The following LRRTM4 variants were observed in gnomAD, a reference collection of about 807,000 sequenced individuals.
LRRTM4 encodes the protein leucine rich repeat transmembrane neuronal 4.
A neutral mutation model predicts 47.6 loss-of-function variants in LRRTM4; 25 were observed. The ratio of observed to expected loss-of-function variants is 0.53; its 90% CI spans 0.38 to 0.73. The LOEUF (loss-of-function observed/expected upper bound fraction) is 0.73. LRRTM4 is among the 30% of genes least tolerant of loss of function. LRRTM4 has a pLI of 0.00. For missense variants in LRRTM4, 638 were observed against 713.4 expected, an observed-to-expected ratio of 0.89 and a Z score of 1.20; for synonymous variants, 311 against 269.5, an observed-to-expected ratio of 1.15 and a Z score of -1.51.
Position 77,103,647 on chromosome 2 carries a change from G to GTATATATATATATATATA in LRRTM4, c.1552-354732_1552-354731insTATATATATATATATATA, listed in dbSNP as rs367583554. 3.9e-3 allele frequency among the ~76,000 whole-genome samples: 479 copies of GTATATATATATATATATA among 123,810 alleles called. 8 individuals are homozygous for GTATATATATATATATATA. Among genetic ancestry groups the GTATATATATATATATATA allele is most frequent in the African/African-American group, 0.013 (399 of 29,702 alleles). The allele number at this position is 123,810 out of a possible 152,430, so 81.2% of individuals were successfully genotyped here. On this transcript the variant is annotated intron_variant, in intron 3 of 3. Transcript: ENST00000409884. ...TCAGGAGAGTGTTATATACATGAGT[G>GTATATATATATATATATA]TATATATATATATATAGATATATAT...
At chr2:77,039,695 T>G (rs1051661650) in intron 3 of LRRTM4, among the ~76,000 whole-genome samples, 2 of 151,256 alleles carry the variant, frequency 1.3e-5, no homozygotes, top group Non-Finnish European at 3.0e-5. Flanking sequence ...TATACACAGA[T>G]TAGATCCTTA....
intron 3 of LRRTM4, among the ~76,000 whole-genome samples, chr2:77,095,508 C>CTTTT (rs373406392): frequency 1.4e-5 from 2 of 144,010 alleles, no homozygotes; most frequent in South Asian, 2.2e-4. Flanking sequence ...CATATGCAAA[C>CTTTT]TTTTTTTTTT....
chr2:77,101,571 C>T (rs1670952493), intron 3 of LRRTM4, among the ~76,000 whole-genome samples: 1 of 152,154 alleles, frequency 6.6e-6, no homozygotes, highest in African/African-American at 2.4e-5. Flanking sequence ...TTTAAGGAAA[C>T]ATTTCTAAAT....
chr2:77,042,863 G>A (rs888313734), intron 3 of LRRTM4, among the ~76,000 whole-genome samples: 4 of 151,608 alleles, frequency 2.6e-5, no homozygotes, highest in Admixed American at 2.0e-4. Context: ...CTTAGACAAA[G>A]TCTCTGGAAT....
At chr2:77,110,406 G>A (rs1364213778) in intron 3 of LRRTM4, among the ~76,000 whole-genome samples, 5 of 152,104 alleles carry the variant, frequency 3.3e-5, no homozygotes, top group Non-Finnish European at 5.9e-5. Context: ...TCTCCTGTAA[G>A]ATATTATTTA....
chr2:77,057,421 T>C (rs1679645350), intron 3 of LRRTM4, among the ~76,000 whole-genome samples: 1 of 152,144 alleles, frequency 6.6e-6, no homozygotes, highest in Non-Finnish European at 1.5e-5. Flanking sequence ...ACTAATTAAT[T>C]GGATTATCAT....
intron 3 of LRRTM4, among the ~76,000 whole-genome samples, chr2:77,399,225 G>A (rs1673838637): frequency 1.3e-5 from 2 of 150,340 alleles, no homozygotes; most frequent in East Asian, 2.0e-4. Context: ...AATTGACAAA[G>A]ATTATATGTA....
At chr2:76,860,297 CA>C (rs1337782565) in intron 3 of LRRTM4, among the ~76,000 whole-genome samples, 2 of 152,074 alleles carry the variant, frequency 1.3e-5, no homozygotes, top group African/African-American at 4.8e-5. Flanking sequence ...AGTTGGGCAA[CA>C]AAAAGCAGTC....
chr2:77,269,741 G>A (rs1034733124), intron 3 of LRRTM4, among the ~76,000 whole-genome samples: 1 of 152,138 alleles, frequency 6.6e-6, no homozygotes, highest in Non-Finnish European at 1.5e-5. Context: ...AAGGGCCTTT[G>A]TTCAACTATG....
chr2:77,324,847 A>AAGAGT (rs1279153167), intron 3 of LRRTM4, among the ~76,000 whole-genome samples: 1 of 152,176 alleles, frequency 6.6e-6, no homozygotes, highest in Non-Finnish European at 1.5e-5. Flanking sequence ...CAATTGAGAG[A>AAGAGT]AGAGTTTATT....
chr2:76,853,013 C>T (rs1672042964), intron 3 of LRRTM4, among the ~76,000 whole-genome samples: 1 of 152,118 alleles, frequency 6.6e-6, no homozygotes, highest in Admixed American at 6.6e-5. Context: ...ATTCTGTGTA[C>T]TAGAGCAGGT....
At chr2:77,509,243 A>T (rs1678891849) in intron 3 of LRRTM4, among the ~76,000 whole-genome samples, 2 of 151,438 alleles carry the variant, frequency 1.3e-5, no homozygotes, top group African/African-American at 2.4e-5. Flanking sequence ...AAAAAAAAAA[A>T]AAAGCCAAAA....
intron 3 of LRRTM4, among the ~76,000 whole-genome samples, chr2:77,177,693 T>C (rs150322070): frequency 0.013 from 1,912 of 152,286 alleles, 40 homozygotes; most frequent in African/African-American, 0.044. Flanking sequence ...ATCCACACTT[T>C]CAAATAAGCA....
At chr2:77,501,492 TAA>T (rs1678569885) in intron 3 of LRRTM4, among the ~76,000 whole-genome samples, 2 of 150,778 alleles carry the variant, frequency 1.3e-5, no homozygotes, top group African/African-American at 4.8e-5. Context: ...TGTTTGACAA[TAA>T]AAAGTTAGTT....
At chr2:76,906,005 G>T (rs1673822503) in intron 3 of LRRTM4, among the ~76,000 whole-genome samples, 2 of 151,990 alleles carry the variant, frequency 1.3e-5, no homozygotes, top group African/African-American at 2.4e-5. Flanking sequence ...ACGCCACAAA[G>T]ATACTCCTCG....
chr2:77,487,943 A>G (rs913397937), intron 3 of LRRTM4, among the ~76,000 whole-genome samples: 2 of 152,080 alleles, frequency 1.3e-5, no homozygotes, highest in Non-Finnish European at 2.9e-5. Flanking sequence ...CTTCACCTCA[A>G]TCACCCTCCA....
chr2:77,304,348 A>G (rs1010494828), intron 3 of LRRTM4, among the ~76,000 whole-genome samples: 3 of 152,122 alleles, frequency 2.0e-5, no homozygotes, highest in Non-Finnish European at 4.4e-5. Context: ...TTGGATGTTA[A>G]GCCTTTATCA....
At chr2:77,208,413 A>G (rs1423277984) in intron 3 of LRRTM4, among the ~76,000 whole-genome samples, 3 of 152,192 alleles carry the variant, frequency 2.0e-5, no homozygotes, top group African/African-American at 7.2e-5. Context: ...AATTTCTTCT[A>G]TATACAAGAA....
intron 3 of LRRTM4, among the ~76,000 whole-genome samples, chr2:77,230,855 A>C (rs1027974895): frequency 1.3e-5 from 2 of 152,146 alleles, no homozygotes; most frequent in African/African-American, 4.8e-5. Flanking sequence ...AATAAGAAAA[A>C]AATAACACAA....
Sources: allele counts gnomAD v4.1 joint callset (sites outside exome capture counted in the v4.1 genomes callset), GRCh38; gene constraint gnomAD v4.1.1; transcripts MANE v1.5; gene names NCBI Gene and HGNC (gene_info 2026-07-23, HGNC 2026-07-21).